HTR4: variants seen among roughly 807,000 people sequenced by gnomAD.
HTR4 encodes the protein 5-hydroxytryptamine receptor 4, also known as 5-hydroxytryptamine (serotonin) receptor 4, G protein-coupled.
In HTR4, 16 loss-of-function variants were observed where a neutral mutation model predicts 36.8. The observed-to-expected ratio is 0.43, with a 90% CI of 0.29 to 0.66. The LOEUF is 0.66. HTR4 is among the 30% of genes least tolerant of loss of function. HTR4 has a pLI of 0.13. For missense variants in HTR4, 438 were observed against 490.9 expected (o/e 0.89, Z 1.02); for synonymous variants, 189 against 185.1 (o/e 1.02, Z -0.17).
chr5:148,590,447 C>T (rs1761522159), intron 2 of HTR4, among the ~76,000 whole-genome samples: 1 of 151,738 alleles, frequency 6.6e-6, no homozygotes. Context: ...TAGGCATGCG[C>T]CACCATGCTT....
chr5:148,508,741 T>C (rs1227652572), intron 6 of HTR4, among the ~76,000 whole-genome samples: 2 of 152,136 alleles, frequency 1.3e-5, no homozygotes, highest in Non-Finnish European at 2.9e-5. Flanking sequence ...TTTATTTTAG[T>C]TTATCATGTT....
At chr5:148,501,198 C>T (rs1756920013) in intron 6 of HTR4, among the ~76,000 whole-genome samples, 1 of 151,818 alleles carries the variant, frequency 6.6e-6, no homozygotes, top group Non-Finnish European at 1.5e-5. Flanking sequence ...TATATTTTCC[C>T]CAGTGAAAAG....
chr5:148,653,607 TAACA>T (rs1754101496), intron 1 of HTR4, among the ~76,000 whole-genome samples: 1 of 125,402 alleles, frequency 8.0e-6, no homozygotes, highest in African/African-American at 3.0e-5. Flanking sequence ...TCTCTCTCTC[TAACA>T]CACACACACA....
chr5:148,633,676 G>C (rs547456176), intron 2 of HTR4, among the ~76,000 whole-genome samples: 1 of 151,992 alleles, frequency 6.6e-6, no homozygotes, highest in Admixed American at 6.6e-5. Context: ...TTCAGTGATT[G>C]TCATCTAGCT....
chr5:148,530,926 C>G (rs1758531110), intron 4 of HTR4, among the ~76,000 whole-genome samples: 1 of 152,144 alleles, frequency 6.6e-6, no homozygotes, highest in African/African-American at 2.4e-5. Context: ...ATTTTAGTGC[C>G]CCACTGTATT....
chr5:148,532,705 T>C (rs1267266354), intron 4 of HTR4, among the ~76,000 whole-genome samples: 2 of 152,180 alleles, frequency 1.3e-5, no homozygotes, highest in Non-Finnish European at 2.9e-5. Context: ...TATAGCCCTA[T>C]AAACATAAGA....
At chr5:148,487,341 G>T (rs1756211158) in intron 6 of HTR4, among the ~76,000 whole-genome samples, 1 of 152,044 alleles carries the variant, frequency 6.6e-6, no homozygotes, top group African/African-American at 2.4e-5. Context: ...AGCAGTTAAT[G>T]AAACAGACTT....
chr5:148,531,710 A>G (rs113014441), intron 4 of HTR4, among the ~76,000 whole-genome samples: 40 of 152,244 alleles, frequency 2.6e-4, no homozygotes, highest in African/African-American at 9.4e-4. Context: ...CTAAAAATCA[A>G]TTTTCGGTAA....
chr5:148,546,441 C>G (rs1020891080), intron 4 of HTR4, among the ~76,000 whole-genome samples: 10 of 152,310 alleles, frequency 6.6e-5, no homozygotes, highest in Middle Eastern at 3.4e-3. Flanking sequence ...CTCTTCAATT[C>G]TAAAGCAGAT....
chr5:148,483,915 T>C (rs1346784703), intron 6 of HTR4, among the ~76,000 whole-genome samples: 3 of 151,144 alleles, frequency 2.0e-5, no homozygotes, highest in South Asian at 2.1e-4. Flanking sequence ...CTTTATTACA[T>C]TGCTGCCTAG....
intron 6 of HTR4, among the ~76,000 whole-genome samples, chr5:148,506,637 T>A (rs1195052405): frequency 2.0e-5 from 3 of 152,164 alleles, no homozygotes; most frequent in Non-Finnish European, 2.9e-5. Flanking sequence ...GACAAAGGGC[T>A]AATATCCAGA....
At chr5:148,471,460 T>G (rs534236310) in intron 5 of HTR4, among the ~76,000 whole-genome samples, 6 of 152,198 alleles carry the variant, frequency 3.9e-5, no homozygotes, top group African/African-American at 1.4e-4. Flanking sequence ...CAATAATATA[T>G]TCCTTAATCC....
At chr5:148,589,204 GC>G (rs1193535058) in intron 2 of HTR4, among the ~76,000 whole-genome samples, 1 of 152,138 alleles carries the variant, frequency 6.6e-6, no homozygotes, top group Non-Finnish European at 1.5e-5. Flanking sequence ...CTAGAAGGGG[GC>G]TTGCTAAGTT....
chr5:148,654,514 A>C lies in HTR4; in HGVS notation c.-500T>G. ...GCCAGCACGCGCCCTCCCTGGCCGG[A>C]GCGCTGCTCATCTGATGGAGGGCAG... On this transcript the variant is annotated 5_prime_UTR_variant, in exon 1 of 7. Coordinates refer to ENST00000377888, the MANE Select transcript of HTR4 (RefSeq NM_000870.7). 1.0e-6 allele frequency: 1 copy of C among 985,150 alleles called. No homozygotes were observed. The highest frequency in any genetic ancestry group is 1.7e-5 in the African/African-American group (1 of 57,366). 61.0% of individuals were successfully genotyped at this position (985,150 alleles called of 1,614,324 possible). A position where few individuals can be genotyped will look rare whatever the true frequency, so the allele number is the denominator to read the frequency against.
chr5:148,606,846 A>T (rs1434862401), intron 2 of HTR4, among the ~76,000 whole-genome samples: 1 of 152,210 alleles, frequency 6.6e-6, no homozygotes, highest in Non-Finnish European at 1.5e-5. Flanking sequence ...TCCTGTCAAA[A>T]ATAACACTTT....
chr5:148,482,309 G>T lies in HTR4; in HGVS notation c.*894C>A, dbSNP rs1034041523. ...AATGATATCACAAGTTCATGGGAAA[G>T]ATCCTGAAGCCTAATAAACACCTAC... On this transcript the variant is annotated 3_prime_UTR_variant, in exon 7 of 7. Coordinates refer to ENST00000377888, the MANE Select transcript of HTR4 (RefSeq NM_000870.7). The T allele has an allele frequency of 2.0e-6, 2 of 985,380 alleles. No homozygotes were observed. The highest frequency in any genetic ancestry group is 1.2e-6 in the Non-Finnish European group (1 of 830,002). 61.0% of individuals were successfully genotyped at this position (985,380 alleles called of 1,614,324 possible).
intron 6 of HTR4, among the ~76,000 whole-genome samples, chr5:148,483,945 ATT>A (rs1756021795): frequency 1.1e-5 from 1 of 95,028 alleles, no homozygotes; most frequent in Non-Finnish European, 2.2e-5. Flanking sequence ...TTATTTATTT[ATT>A]TATTTATTTA....
downstream of HTR4, chr5:148,481,458 C>G: frequency 1.0e-6 from 1 of 989,960 alleles, no homozygotes; most frequent in Non-Finnish European, 1.5e-6. Context: ...AATAGCATTT[C>G]TCTTTCAGAG....
At chr5:148,528,915 G>A (rs113549284) in intron 4 of HTR4, among the ~76,000 whole-genome samples, 29 of 150,460 alleles carry the variant, frequency 1.9e-4, no homozygotes, top group African/African-American at 5.1e-4. Flanking sequence ...CATTTAATCC[G>A]CACAACTATT....
Sources: allele counts gnomAD v4.1 joint callset (sites outside exome capture counted in the v4.1 genomes callset), GRCh38; gene constraint gnomAD v4.1.1; transcripts MANE v1.5; gene names NCBI Gene and HGNC (gene_info 2026-07-23, HGNC 2026-07-21).